The following RERE variants were observed in gnomAD, a reference collection of about 807,000 sequenced individuals.
RERE encodes the protein arginine-glutamic acid dipeptide repeats.
RERE carries 40 observed loss-of-function variants against 146.1 expected under a neutral mutation model. The observed-to-expected ratio is 0.27, with a 90% confidence interval of 0.21 to 0.36. The LOEUF (loss-of-function observed/expected upper bound fraction) is 0.36, where lower values mean the gene tolerates loss of function less well. RERE is among the 10% of genes least tolerant of loss of function. The probability of loss-of-function intolerance (pLI) is 1.00; values close to 1 mark genes in which losing one functional copy is unlikely to be tolerated. For synonymous variants in RERE, 1,003 were observed against 866.0 expected (o/e 1.16, Z -2.78); for missense variants, 1,933 against 2,138.7 (o/e 0.90, Z 1.90).
intron 1 of RERE, among the ~76,000 whole-genome samples, chr1:8,794,625 G>C (rs1264354410): frequency 1.3e-5 from 2 of 152,022 alleles, no homozygotes; most frequent in African/African-American, 2.4e-5. Context: ...GGCCCAGCAA[G>C]ATGGCTCATG....
At chr1:8,573,526 T>C (rs1646249620) in intron 4 of RERE, among the ~76,000 whole-genome samples, 1 of 152,210 alleles carries the variant, frequency 6.6e-6, no homozygotes, top group African/African-American at 2.4e-5. Flanking sequence ...CACATCACAA[T>C]GTGTTCATAC....
At chr1:8,743,221 C>A (rs1296288723) in intron 1 of RERE, among the ~76,000 whole-genome samples, 2 of 151,910 alleles carry the variant, frequency 1.3e-5, no homozygotes, top group Admixed American at 1.3e-4. Flanking sequence ...CAAGGCAAGA[C>A]CCCATCTCTA....
At chr1:8,468,765 G>A (rs1293499977) in intron 10 of RERE, among the ~76,000 whole-genome samples, 1 of 151,862 alleles carries the variant, frequency 6.6e-6, no homozygotes, top group African/African-American at 2.4e-5. Context: ...TGTGCCTATA[G>A]TCCCAGCTGC....
At chr1:8,708,910 T>TTG (rs1206687156) in intron 1 of RERE, among the ~76,000 whole-genome samples, 1 of 129,560 alleles carries the variant, frequency 7.7e-6, no homozygotes, top group Non-Finnish European at 1.7e-5. Context: ...CTGGAGTTTT[T>TTG]TTTTTTTTTT....
intron 7 of RERE, among the ~76,000 whole-genome samples, chr1:8,509,439 TCC>T (rs1385338875): frequency 3.9e-4 from 12 of 30,706 alleles, no homozygotes; most frequent in African/African-American, 8.2e-4. Context: ...CATCCATCCG[TCC>T]GTCCGTCCGT....
At chr1:8,546,121 C>T (rs1380296160) in intron 6 of RERE, among the ~76,000 whole-genome samples, 1 of 149,124 alleles carries the variant, frequency 6.7e-6, no homozygotes, top group Non-Finnish European at 1.5e-5. Context: ...TTCCCGGTAG[C>T]TGGGACTACA....
chr1:8,708,930 T>G (rs1639612643), intron 1 of RERE, among the ~76,000 whole-genome samples: 1 of 116,856 alleles, frequency 8.6e-6, no homozygotes, highest in African/African-American at 3.4e-5. Context: ...TTTTTTTTTT[T>G]GAGACAGAGT....
At chr1:8,505,384 G>A (rs907592438) in intron 8 of RERE, among the ~76,000 whole-genome samples, 2 of 152,146 alleles carry the variant, frequency 1.3e-5, no homozygotes, top group African/African-American at 2.4e-5. Context: ...TTTGTGAGGC[G>A]TTTAAAATAA....
intron 1 of RERE, among the ~76,000 whole-genome samples, chr1:8,771,712 C>T (rs2124546493): frequency 6.6e-6 from 1 of 152,000 alleles, no homozygotes; most frequent in South Asian, 2.1e-4. Flanking sequence ...AGATAGAGGC[C>T]ATCCTGGCTA....
intron 10 of RERE, among the ~76,000 whole-genome samples, chr1:8,485,267 A>G (rs1306648626): frequency 6.6e-6 from 1 of 152,168 alleles, no homozygotes; most frequent in Admixed American, 6.6e-5. Flanking sequence ...AGGCTGAGGC[A>G]GGAGAATCAC....
chr1:8,428,725 C>T (rs1644051536), intron 11 of RERE: 1 of 151,938 alleles, frequency 6.6e-6, no homozygotes, highest in Admixed American at 6.6e-5. Context: ...CTCCTATGTT[C>T]CAAAAAGGAA....
At chr1:8,433,599 G>A (rs902797059) in intron 11 of RERE, among the ~76,000 whole-genome samples, 1 of 144,632 alleles carries the variant, frequency 6.9e-6, no homozygotes, top group African/African-American at 2.7e-5. Flanking sequence ...TGTCGCCCAG[G>A]TCGGACTGCG....
chr1:8,363,894 C>T (rs1389734534), intron 15 of RERE, 162 bp downstream of exon 15: 5 of 662,708 alleles, frequency 7.5e-6, no homozygotes, highest in Non-Finnish European at 1.0e-5. Flanking sequence ...GAGAACTCTT[C>T]CCAGCCCACA....
At chr1:8,447,860 ACTCT>A (rs1316709443) in intron 11 of RERE, among the ~76,000 whole-genome samples, 2 of 151,842 alleles carry the variant, frequency 1.3e-5, no homozygotes, top group Non-Finnish European at 1.5e-5. Context: ...TACATCCTGC[ACTCT>A]CTGTGTCTCC....
chr1:8,797,583 C>T (rs952286793), intron 1 of RERE, among the ~76,000 whole-genome samples: 11 of 152,156 alleles, frequency 7.2e-5, no homozygotes, highest in Non-Finnish European at 1.3e-4. Flanking sequence ...TAATTTAAAG[C>T]ACTTACCATA....
chr1:8,513,269 T>G (rs1227176828), intron 7 of RERE, among the ~76,000 whole-genome samples: 1 of 152,260 alleles, frequency 6.6e-6, no homozygotes, highest in Non-Finnish European at 1.5e-5. Context: ...AATATACATA[T>G]TCTTATAAAA....
At chr1:8,788,934 G>A (rs1641309298) in intron 1 of RERE, among the ~76,000 whole-genome samples, 1 of 151,248 alleles carries the variant, frequency 6.6e-6, no homozygotes, top group Admixed American at 6.6e-5. Flanking sequence ...ACAGCCCTGA[G>A]GCTTTCCAAA....
At chr1:8,581,902 GA>G (rs1337840639) in intron 4 of RERE, among the ~76,000 whole-genome samples, 4 of 152,018 alleles carry the variant, frequency 2.6e-5, no homozygotes, top group South Asian at 2.1e-4. Flanking sequence ...GGTACATAGA[GA>G]TTTTTTTTCC....
In RERE at chr1:8,364,973, C is replaced by A. The variant is rs758208464; in HGVS notation, c.1448-135G>T. On this transcript the variant is annotated intron_variant, in intron 13 of 22. Coordinates refer to ENST00000400908, the MANE Select transcript of RERE (RefSeq NM_001042681.2). This position sits in a 1 kb window ranked among gnomAD's most constrained non-coding sequence, Gnocchi z 5.1. ...TGCAGGTTCTGGCCACCAGTCAGAG[C>A]GGCTGGGTGCACAGGCTGAGGTAGG... The A allele has an allele frequency of 4.4e-6, 3 of 677,394 alleles. No homozygotes were observed. Among genetic ancestry groups the A allele is most frequent in the Non-Finnish European group, 7.9e-6 (3 of 379,644 alleles). 42.0% of individuals were successfully genotyped at this position (677,394 alleles called of 1,614,324 possible). A position where few individuals can be genotyped will look rare whatever the true frequency, so the allele number is the denominator to read the frequency against.
Sources: gnomAD v4.1 joint callset for allele counts (sites outside exome capture counted in the v4.1 genomes callset) on GRCh38, gnomAD v4.1.1 for gene constraint, Gnocchi (gnomAD v3.1) non-coding constraint, MANE v1.5 for transcripts, NCBI Gene and HGNC (gene_info 2026-07-23, HGNC 2026-07-21) for gene names.